The following BCAS3 variants were observed in gnomAD, a reference collection of about 807,000 sequenced individuals.
BCAS3 encodes the protein BCAS3 microtubule associated cell migration factor, also known as BCAS4/BCAS3 fusion.
Under a neutral mutation model 116.1 loss-of-function variants are expected in BCAS3, and 53 were observed. That is an observed-to-expected ratio of 0.46 (90% confidence interval 0.37 to 0.57). BCAS3 has a LOEUF of 0.57. Ranked by LOEUF, BCAS3 falls within the 20% of genes least tolerant of loss-of-function variation. BCAS3 has a pLI of 0.00. For synonymous variants in BCAS3, 391 were observed against 408.2 expected, an observed-to-expected ratio of 0.96 and a Z score of 0.51; for missense variants, 917 against 1,165.4, an observed-to-expected ratio of 0.79 and a Z score of 3.10.
intron 7 of BCAS3, among the ~76,000 whole-genome samples, chr17:60,868,110 G>A (rs1408295980): frequency 1.3e-5 from 2 of 150,052 alleles, no homozygotes; most frequent in African/African-American, 2.5e-5. Context: ...CGCACCCTCC[G>A]CCTCCTAGGT....
intron 19 of BCAS3, among the ~76,000 whole-genome samples, chr17:61,049,130 T>G (rs2068607625): frequency 6.6e-6 from 1 of 151,750 alleles, no homozygotes; most frequent in Admixed American, 6.6e-5. Context: ...AGACCCTGAC[T>G]CTAAAGAAAA....
chr17:60,887,515 G>T (rs939439379), intron 9 of BCAS3: 7 of 152,228 alleles, frequency 4.6e-5, no homozygotes, highest in African/African-American at 9.7e-5. Context: ...ATCCATTTTT[G>T]TATGTGGTAT....
chr17:61,303,261 TG>T (rs2053588496), intron 22 of BCAS3, among the ~76,000 whole-genome samples: 2 of 152,264 alleles, frequency 1.3e-5, no homozygotes, highest in Admixed American at 1.3e-4. Context: ...GGGCATCTTC[TG>T]AGCTGCCTAA....
Position 61,144,919 on chromosome 17 carries a change from T to A in BCAS3, c.2425+60355T>A, listed in dbSNP as rs2077113259. On this transcript the variant is annotated intron_variant, in intron 22 of 23. Transcript: ENST00000407086. This position sits in a 1 kb window ranked among gnomAD's most constrained non-coding sequence, Gnocchi z 5.0. ...CCTCAGTGACAAATTGCTCTAAACC[T>A]GTTTGGCTCACCACCATAAGGTTTA... 6.6e-6 allele frequency among the ~76,000 whole-genome samples: 1 copy of A among 152,226 alleles called. No individual in the cohort carries two copies. Among genetic ancestry groups the A allele is most frequent in the African/African-American group, 2.4e-5 (1 of 41,464 alleles).
chr17:61,262,691 ATTTTTTT>A (rs556925842), intron 22 of BCAS3, among the ~76,000 whole-genome samples: 2 of 132,860 alleles, frequency 1.5e-5, no homozygotes, highest in African/African-American at 5.6e-5. Flanking sequence ...AGGAGACTTA[ATTTTTTT>A]TTTTTTTTTT....
In BCAS3 at chr17:61,282,828, A is replaced by AT. The variant is rs2051355149; in HGVS notation, c.2426-85493dup. 1.3e-5 allele frequency among the ~76,000 whole-genome samples: 2 copies of AT among 152,074 alleles called. No individual in the cohort carries two copies. The highest frequency in any genetic ancestry group is 4.8e-5 in the African/African-American group (2 of 41,408). On this transcript the variant is annotated intron_variant, in intron 22 of 23. Coordinates refer to ENST00000407086, the MANE Select transcript of BCAS3 (RefSeq NM_017679.5). The surrounding 1 kb of genome is among the most constrained non-coding windows in gnomAD (Gnocchi z 5.9). ...ATTTTAAACATTTTTTATCCAGATA[A>AT]TTTTTTCACAGAGGGAAATGCACAG... is the stretch of plus-strand genomic sequence containing the variant.
chr17:61,128,326 G>A lies in BCAS3; in HGVS notation c.2425+43762G>A. 1 of 985,422 alleles carries A rather than the reference G, an allele frequency of 1.0e-6. No homozygotes were observed. Among genetic ancestry groups the A allele is most frequent in the Admixed American group, 6.1e-5 (1 of 16,290 alleles). The allele number at this position is 985,422 out of a possible 1,614,324, so 61.0% of individuals were successfully genotyped here. A position where few individuals can be genotyped will look rare whatever the true frequency, so the allele number is the denominator to read the frequency against. ...GCAGAGGAGAGACTTAGTGAAATAT[G>A]CAGAGCTCCATTCCAGTTCCTTTCT... is the stretch of plus-strand genomic sequence containing the variant. On this transcript the variant is annotated intron_variant, in intron 22 of 23. Coordinates refer to ENST00000407086, the MANE Select transcript of BCAS3 (RefSeq NM_017679.5). The surrounding 1 kb of genome is among the most constrained non-coding windows in gnomAD (Gnocchi z 4.1).
intron 22 of BCAS3, among the ~76,000 whole-genome samples, chr17:61,260,525 G>T (rs545386259): frequency 6.6e-6 from 1 of 152,284 alleles, no homozygotes; most frequent in East Asian, 1.9e-4. Context: ...AGACATGAAG[G>T]CTGACAACTC....
At chr17:61,036,300 G>C (rs1049753755) in intron 17 of BCAS3, 1 of 152,162 alleles carries the variant, frequency 6.6e-6, no homozygotes, top group Non-Finnish European at 1.5e-5. Context: ...AACACTGGCA[G>C]TCAGACATGA....
At position 61,021,736 on chromosome 17, in the gene BCAS3, A is replaced by T. The variant is rs1221963625; in HGVS notation, c.1637+5835A>T. Among the ~76,000 whole-genome samples, 3 of 152,224 alleles carry T rather than the reference A, an allele frequency of 2.0e-5. No homozygotes were observed. Among genetic ancestry groups the T allele is most frequent in the Non-Finnish European group, 2.9e-5 (2 of 68,036 alleles). ...TAAATGGAAGCATTAAATAGCATTT[A>T]TTCAGACACATCCAGTTGATATTTG... is the stretch of plus-strand genomic sequence containing the variant. On this transcript the variant is annotated intron_variant, in intron 16 of 23. Transcript: ENST00000407086. This position sits in a 1 kb window ranked among gnomAD's most constrained non-coding sequence, Gnocchi z 4.6.
intron 15 of BCAS3, among the ~76,000 whole-genome samples, chr17:60,999,903 AT>A (rs909405537): frequency 6.6e-5 from 10 of 151,772 alleles, no homozygotes; most frequent in Admixed American, 6.6e-4. Flanking sequence ...TATTTTATGG[AT>A]TTTTTTGTGG....
intron 10 of BCAS3, among the ~76,000 whole-genome samples, chr17:60,890,472 G>T (rs1298942766): frequency 6.6e-6 from 1 of 151,526 alleles, no homozygotes; most frequent in African/African-American, 2.4e-5. Context: ...AAAAAAAAAA[G>T]AATAATTTAA....
At chr17:60,851,486 G>A (rs746911717) in intron 7 of BCAS3, 3 of 550,182 alleles carry the variant, frequency 5.5e-6, no homozygotes, top group East Asian at 4.6e-5. Flanking sequence ...AAATGGAAGC[G>A]AAGCCGAAAA....
chr17:60,987,780 G>C (rs77579206), intron 14 of BCAS3, among the ~76,000 whole-genome samples: 4 of 151,946 alleles, frequency 2.6e-5, no homozygotes, highest in Non-Finnish European at 5.9e-5. Context: ...CTGCAAACGA[G>C]GCTCATTTGA....
At chr17:60,982,302 T>A (rs1488923457) in intron 14 of BCAS3, among the ~76,000 whole-genome samples, 5 of 152,194 alleles carry the variant, frequency 3.3e-5, no homozygotes, top group South Asian at 2.1e-4. Context: ...CCATATTTTT[T>A]AAATTAATTA....
chr17:60,727,372 C>G (rs1436346897), intron 5 of BCAS3: 6 of 1,571,370 alleles, frequency 3.8e-6, no homozygotes, highest in Non-Finnish European at 3.5e-6. Context: ...CATAGCGCCT[C>G]TTTCCCTGGG....
intron 19 of BCAS3, among the ~76,000 whole-genome samples, chr17:61,067,648 G>A (rs1206582993): frequency 1.0e-4 from 15 of 149,554 alleles, no homozygotes; most frequent in African/African-American, 2.7e-4. Flanking sequence ...CCTGGGAGGC[G>A]GAGGCTGCAG....
chr17:60,924,614 T>A (rs1306101067), intron 13 of BCAS3, 114 bp downstream of exon 13: 2 of 714,876 alleles, frequency 2.8e-6, no homozygotes, highest in East Asian at 5.4e-5. Context: ...TCAGTATATA[T>A]CAGAAAAGTT....
At chr17:61,322,794 C>CAG (rs35581770) in intron 22 of BCAS3, among the ~76,000 whole-genome samples, 2,216 of 99,602 alleles carry the variant, frequency 0.022, 130 homozygotes, top group African/African-American at 0.078. Flanking sequence ...GAGAGAGAGA[C>CAG]AGAGAGAGAG....
Sources: allele counts gnomAD v4.1 joint callset (sites outside exome capture counted in the v4.1 genomes callset), GRCh38; gene constraint gnomAD v4.1.1; non-coding constraint Gnocchi (gnomAD v3.1); transcripts MANE v1.5; gene names NCBI Gene and HGNC (gene_info 2026-07-23, HGNC 2026-07-21).